ADIPOR2: variants seen among roughly 807,000 people sequenced by gnomAD.
ADIPOR2 encodes adiponectin receptor 2, also known as adiponectin receptor protein 2.
ADIPOR2 carries 18 observed loss-of-function variants against 40.9 expected under a neutral mutation model. The observed-to-expected ratio is 0.44, with a 90% CI of 0.30 to 0.65. The LOEUF is 0.65. ADIPOR2 is among the 30% of genes least tolerant of loss of function. The pLI is 0.09. For synonymous variants in ADIPOR2, 165 were observed against 166.4 expected (o/e 0.99, Z 0.06); for missense variants, 283 against 479.2 (o/e 0.59, Z 3.82).
chr12:1,711,625 TCTCTCTC>T (rs2094677185), intron 1 of ADIPOR2, among the ~76,000 whole-genome samples: 1 of 141,952 alleles, frequency 7.0e-6, no homozygotes, highest in African/African-American at 2.5e-5. Flanking sequence ...TCTCTCTCTC[TCTCTCTC>T]TCTCTCTCTT....
intron 1 of ADIPOR2, among the ~76,000 whole-genome samples, chr12:1,705,505 C>G (rs987190030): frequency 5.3e-5 from 8 of 152,142 alleles, no homozygotes. Context: ...TTCATGCACA[C>G]AATTACAAAA....
chr12:1,696,798 A>G (rs570767924), intron 1 of ADIPOR2: 25 of 153,660 alleles, frequency 1.6e-4, no homozygotes, highest in African/African-American at 5.8e-4. Context: ...TATAGTAGAC[A>G]GCATCATATT....
At chr12:1,766,739 T>C (rs1862388749) in intron 2 of ADIPOR2, among the ~76,000 whole-genome samples, 2 of 152,242 alleles carry the variant, frequency 1.3e-5, no homozygotes. Context: ...TTAGGTTGAA[T>C]AAAGAGATCA....
chr12:1,694,719 A>G (rs2094634424), intron 1 of ADIPOR2, among the ~76,000 whole-genome samples: 1 of 152,202 alleles, frequency 6.6e-6, no homozygotes, highest in South Asian at 2.1e-4. Flanking sequence ...ACCAGGGGCA[A>G]CAGTTTGATA....
intron 1 of ADIPOR2, among the ~76,000 whole-genome samples, chr12:1,717,217 T>A (rs1228767934): frequency 6.6e-6 from 1 of 152,204 alleles, no homozygotes; most frequent in East Asian, 1.9e-4. Flanking sequence ...ACTTTTCTCT[T>A]GATGTTTTTT....
At chr12:1,727,858 TAAAAAAA>T (rs570513526) in intron 1 of ADIPOR2, among the ~76,000 whole-genome samples, 2 of 138,804 alleles carry the variant, frequency 1.4e-5, no homozygotes. Context: ...GAACACTGTT[TAAAAAAA>T]AAAAAAAAGG....
At chr12:1,781,972 C>T (rs564934755) in intron 6 of ADIPOR2, among the ~76,000 whole-genome samples, 1 of 152,322 alleles carries the variant, frequency 6.6e-6, no homozygotes, top group African/African-American at 2.4e-5. Flanking sequence ...CCTGCTTGAG[C>T]ACATGAGATA....
intron 1 of ADIPOR2, among the ~76,000 whole-genome samples, chr12:1,752,388 T>G (rs2094771420): frequency 6.6e-6 from 1 of 152,070 alleles, no homozygotes; most frequent in South Asian, 2.1e-4. Context: ...CATGAGCCAC[T>G]GTGCCTAGCC....
chr12:1,721,478 A>T (rs1269384957), intron 1 of ADIPOR2, among the ~76,000 whole-genome samples: 2 of 152,158 alleles, frequency 1.3e-5, no homozygotes, highest in Non-Finnish European at 2.9e-5. Flanking sequence ...GGCCTGCCAC[A>T]GTGCTGGGAT....
intron 2 of ADIPOR2, among the ~76,000 whole-genome samples, chr12:1,766,794 T>G (rs1246105536): frequency 6.6e-6 from 1 of 152,262 alleles, no homozygotes; most frequent in East Asian, 1.9e-4. Flanking sequence ...GATTCTTCTT[T>G]ATAAATTGGG....
At position 1,773,100 on chromosome 12, in the gene ADIPOR2, T is replaced by C. The variant is rs1202131302; in HGVS notation, c.291+139T>C. 3 of 1,084,694 alleles carry C rather than the reference T, an allele frequency of 2.8e-6. No individual in the cohort carries two copies. The East Asian group carries it at 8.1e-5, about 29-fold the overall frequency. The allele number at this position is 1,084,694 out of a possible 1,614,324, so 67.2% of individuals were successfully genotyped here. A position where few individuals can be genotyped will look rare whatever the true frequency, so the allele number is the denominator to read the frequency against. On this transcript the variant is annotated intron_variant, in intron 3 of 7. Transcript: ENST00000357103. ...TGGCAAGATGGGGACAGAAGTGGTCTTGGGACTCTAATCCTGTTGAAGACA... is the reference window on the plus strand; with the variant it reads ...TGGCAAGATGGGGACAGAAGTGGTCCTGGGACTCTAATCCTGTTGAAGACA...
intron 2 of ADIPOR2, among the ~76,000 whole-genome samples, chr12:1,765,905 C>G (rs937006649): frequency 6.6e-5 from 10 of 151,762 alleles, no homozygotes. Flanking sequence ...TACCAACTTT[C>G]TTTCAGGTAC....
chr12:1,776,274 A>T (rs145603937), intron 3 of ADIPOR2, among the ~76,000 whole-genome samples: 1 of 152,232 alleles, frequency 6.6e-6, no homozygotes, highest in East Asian at 1.9e-4. Flanking sequence ...AGCAAAAGGA[A>T]TGGGCACAGT....
At chr12:1,761,232 GA>G (rs950053827) in intron 2 of ADIPOR2, among the ~76,000 whole-genome samples, 2 of 152,118 alleles carry the variant, frequency 1.3e-5, no homozygotes, top group African/African-American at 4.8e-5. Context: ...TGGATGGGGG[GA>G]AACTACTGTA....
rs906561665 is a variant in ADIPOR2 at position 1,714,131 on chromosome 12, C to T, written c.-87+22940C>T. Reference sequence around the variant, plus strand: ...ATGGGCGAGGGGGCAGCTTGTTTCTCGTTGGACAATCTTTTTTAAAGTGTC... The same window carrying T: ...ATGGGCGAGGGGGCAGCTTGTTTCTTGTTGGACAATCTTTTTTAAAGTGTC... On this transcript the variant is annotated intron_variant, in intron 1 of 7. Coordinates refer to ENST00000357103, the MANE Select transcript of ADIPOR2 (RefSeq NM_024551.3). Among the ~76,000 whole-genome samples the T allele has an allele frequency of 8.5e-5, 13 of 152,172 alleles. 1 individual carries two copies. The South Asian group carries it at 1.0e-3, about 12-fold the overall frequency.
chr12:1,706,670 G>A (rs2094663625), intron 1 of ADIPOR2, among the ~76,000 whole-genome samples: 1 of 152,052 alleles, frequency 6.6e-6, no homozygotes. Context: ...TTTTGATAAT[G>A]TACATACCCA....
chr12:1,761,337 C>T (rs1283074493), intron 2 of ADIPOR2, among the ~76,000 whole-genome samples: 1 of 152,082 alleles, frequency 6.6e-6, no homozygotes, highest in Non-Finnish European at 1.5e-5. Context: ...CATGTAGAAG[C>T]TTTTGTATGG....
intron 1 of ADIPOR2, among the ~76,000 whole-genome samples, chr12:1,746,149 T>A (rs1164153796): frequency 1.3e-5 from 2 of 152,166 alleles, no homozygotes; most frequent in Non-Finnish European, 2.9e-5. Context: ...AGTTATCACA[T>A]GCAAATAGTA....
intron 1 of ADIPOR2, among the ~76,000 whole-genome samples, chr12:1,740,680 T>G (rs1444628695): frequency 6.6e-6 from 1 of 152,232 alleles, no homozygotes; most frequent in Non-Finnish European, 1.5e-5. Context: ...TAAGCAGATC[T>G]TGAGGGTGTG....
Sources: allele counts gnomAD v4.1 joint callset (sites outside exome capture counted in the v4.1 genomes callset), GRCh38; gene constraint gnomAD v4.1.1; transcripts MANE v1.5; gene names NCBI Gene and HGNC (gene_info 2026-07-23, HGNC 2026-07-21).